ADGRL2: variants seen among roughly 807,000 people sequenced by gnomAD.
ADGRL2 encodes the protein adhesion G protein-coupled receptor L2, also known as calcium-independent alpha-latrotoxin receptor 2.
A neutral mutation model predicts 157.4 loss-of-function variants in ADGRL2; 44 were observed. That is an observed-to-expected ratio of 0.28 (90% CI 0.22 to 0.36). The LOEUF (loss-of-function observed/expected upper bound fraction) is 0.36, where lower values mean the gene tolerates loss of function less well. ADGRL2 is among the 10% of genes least tolerant of loss of function. The pLI is 1.00. For synonymous variants in ADGRL2, 585 were observed against 624.7 expected, an observed-to-expected ratio of 0.94 and a Z score of 0.95; for missense variants, 1,510 against 1,768.9, an observed-to-expected ratio of 0.85 and a Z score of 2.63.
chr1:81,444,940 C>T (rs2077573761), intron 1 of ADGRL2: 1 of 152,168 alleles, frequency 6.6e-6, no homozygotes, highest in Admixed American at 6.5e-5. Flanking sequence ...AAAATTAATG[C>T]ACATGCTAAT....
chr1:81,986,845 A>G (rs1383819867), intron 21 of ADGRL2, 56 bp from the exon 22 acceptor site: 1 of 1,561,936 alleles, frequency 6.4e-7, no homozygotes, highest in African/African-American at 1.4e-5. Flanking sequence ...TAACACTAAA[A>G]TAAGAAACTG....
At chr1:81,821,246 A>G (rs2090962261) in intron 1 of ADGRL2, among the ~76,000 whole-genome samples, 1 of 152,192 alleles carries the variant, frequency 6.6e-6, no homozygotes, top group African/African-American at 2.4e-5. Context: ...TCCATTGTCA[A>G]ACTATTACCA....
chr1:81,436,698 T>A (rs2077416157), intron 1 of ADGRL2, among the ~76,000 whole-genome samples: 1 of 152,252 alleles, frequency 6.6e-6, no homozygotes, highest in African/African-American at 2.4e-5. Context: ...TCCTTTATGA[T>A]CCATGATCCA....
chr1:81,686,873 A>G (rs762885061), intron 3 of ADGRL2, among the ~76,000 whole-genome samples: 3 of 152,126 alleles, frequency 2.0e-5, no homozygotes, highest in African/African-American at 7.2e-5. Context: ...TTAAATTTCC[A>G]TCTTGATCGT....
At chr1:81,829,923 A>G (rs1463554865) in intron 1 of ADGRL2, among the ~76,000 whole-genome samples, 1 of 152,178 alleles carries the variant, frequency 6.6e-6, no homozygotes, top group Non-Finnish European at 1.5e-5. Flanking sequence ...TATAGTGTGC[A>G]CTTGATCTGG....
At chr1:81,512,802 G>A (rs907464654) in intron 2 of ADGRL2, among the ~76,000 whole-genome samples, 2 of 152,050 alleles carry the variant, frequency 1.3e-5, no homozygotes, top group Non-Finnish European at 2.9e-5. Context: ...GTTTTTCTGG[G>A]TAATTACCCA....
chr1:81,418,560 G>A (rs991123179), intron 1 of ADGRL2, among the ~76,000 whole-genome samples: 1 of 151,782 alleles, frequency 6.6e-6, no homozygotes, highest in Non-Finnish European at 1.5e-5. Flanking sequence ...AACCATCCTG[G>A]CTAACACGGT....
intron 2 of ADGRL2, among the ~76,000 whole-genome samples, chr1:81,764,162 AGCTTGG>A (rs2086019059): frequency 7.0e-6 from 1 of 142,384 alleles, no homozygotes. Flanking sequence ...ACTGCACTCC[AGCTTGG>A]GTGACAGAGC....
At chr1:81,848,715 T>C (rs755444556) in intron 2 of ADGRL2, among the ~76,000 whole-genome samples, 2 of 151,936 alleles carry the variant, frequency 1.3e-5, no homozygotes, top group Non-Finnish European at 2.9e-5. Context: ...ACTTCAACTT[T>C]CAAATAATCT....
At chr1:81,609,611 A>G (rs974578945) in intron 3 of ADGRL2, among the ~76,000 whole-genome samples, 2 of 152,194 alleles carry the variant, frequency 1.3e-5, no homozygotes, top group African/African-American at 4.8e-5. Context: ...TTGATGGAGC[A>G]CCACCTCTCT....
At chr1:81,575,203 C>T (rs974404271) in intron 2 of ADGRL2, among the ~76,000 whole-genome samples, 3 of 152,078 alleles carry the variant, frequency 2.0e-5, no homozygotes, top group African/African-American at 4.8e-5. Context: ...TCCCCCATGC[C>T]GGTTTAAAAA....
intron 3 of ADGRL2, among the ~76,000 whole-genome samples, chr1:81,637,011 T>C (rs1050535766): frequency 6.6e-6 from 1 of 152,116 alleles, no homozygotes; most frequent in African/African-American, 2.4e-5. Flanking sequence ...AATTTTTGAA[T>C]TTTTAGTAGA....
At chr1:81,828,195 A>G (rs2091659375) in intron 1 of ADGRL2, among the ~76,000 whole-genome samples, 1 of 152,204 alleles carries the variant, frequency 6.6e-6, no homozygotes, top group Non-Finnish European at 1.5e-5. Flanking sequence ...ACAGTGGCAG[A>G]CATACATAGT....
intron 2 of ADGRL2, among the ~76,000 whole-genome samples, chr1:81,572,536 A>G (rs1161364256): frequency 1.3e-5 from 2 of 152,352 alleles, no homozygotes; most frequent in East Asian, 3.9e-4. Context: ...CACATTAAAC[A>G]GAAGTATTAA....
rs2078898974 is a variant in ADGRL2, at chr1:81,503,419, T to C, written c.-248+58330T>C. Reference sequence around the variant, plus strand: ...CTCTCACTGTTCACCAAGTCCTACCTCATCCCGGGGCACCCCCAGCGCAGA... The same window carrying C: ...CTCTCACTGTTCACCAAGTCCTACCCCATCCCGGGGCACCCCCAGCGCAGA... On this transcript the variant is annotated intron_variant, in intron 2 of 24. Transcript: ENST00000370721. The C allele has an allele frequency of 4.3e-6, 7 of 1,613,690 alleles. No individual in the cohort carries two copies. In the East Asian group the frequency reaches 1.1e-4, roughly 26 times the overall value.
chr1:81,425,405 C>G (rs12740725), intron 1 of ADGRL2, among the ~76,000 whole-genome samples: 32,632 of 137,708 alleles, frequency 0.24, 4,569 homozygotes, highest in Non-Finnish European at 0.33. Context: ...GATATTAGAA[C>G]CAATTAAAAA....
intron 2 of ADGRL2, among the ~76,000 whole-genome samples, chr1:81,894,667 A>T (rs1358736517): frequency 1.3e-5 from 2 of 151,694 alleles, no homozygotes; most frequent in South Asian, 2.1e-4. Flanking sequence ...AGTAGAAATT[A>T]AAAAAAAACT....
intron 2 of ADGRL2, among the ~76,000 whole-genome samples, chr1:81,839,932 T>TATA (rs1557749131): frequency 8.6e-6 from 1 of 116,108 alleles, no homozygotes; most frequent in Non-Finnish European, 1.8e-5. Context: ...TATGATGGAA[T>TATA]ATATATATAT....
intron 1 of ADGRL2, among the ~76,000 whole-genome samples, chr1:81,423,844 G>C (rs558558418): frequency 7.9e-4 from 121 of 152,216 alleles, no homozygotes; most frequent in Non-Finnish European, 9.6e-4. Context: ...AGGTTAAATT[G>C]CTCTTTTTAA....
Sources: gnomAD v4.1 joint callset for allele counts (sites outside exome capture counted in the v4.1 genomes callset) on GRCh38, gnomAD v4.1.1 for gene constraint, MANE v1.5 for transcripts, NCBI Gene and HGNC (gene_info 2026-07-23, HGNC 2026-07-21) for gene names.